GTF2A1L: variants seen among roughly 807,000 people sequenced by gnomAD.
GTF2A1L encodes the protein TFIIA-alpha and beta-like factor.
GTF2A1L carries 48 observed loss-of-function variants against 49.7 expected under a neutral mutation model. The ratio of observed to expected loss-of-function variants is 0.97; its 90% CI spans 0.77 to 1.23. GTF2A1L has a LOEUF of 1.23. Among genes scored for constraint, GTF2A1L ranks in the 50% most tolerant of loss-of-function variants. GTF2A1L has a pLI of 0.00. For missense variants in GTF2A1L, 736 were observed against 564.8 expected (o/e 1.30, Z -3.07); for synonymous variants, 246 against 193.5 (o/e 1.27, Z -2.25).
chr2:48,652,000 A>T (rs569911547), intron 6 of GTF2A1L, among the ~76,000 whole-genome samples: 36 of 152,300 alleles, frequency 2.4e-4, no homozygotes, highest in African/African-American at 8.7e-4. Context: ...ACCACTTCAG[A>T]AGAGATTGGA....
chr2:48,670,086 C>T, intron 7 of GTF2A1L, 104 bp downstream of exon 7: 3 of 1,458,896 alleles, frequency 2.1e-6, no homozygotes, highest in Non-Finnish European at 1.8e-6. Flanking sequence ...CTTTTCTTTA[C>T]TCTTTTGAAA....
Position 48,631,542 on chromosome 2 carries a change from C to T in GTF2A1L, c.247+10252C>T, listed in dbSNP as rs545058590. Among the ~76,000 whole-genome samples, 7 of 151,916 alleles carry T rather than the reference C, an allele frequency of 4.6e-5. No individual in the cohort carries two copies. The East Asian group carries it at 1.4e-3, about 29-fold the overall frequency. Reference sequence around the variant, plus strand: ...TTTGTTAATCTAGTTAGTGTTCTATCGATATTGTTTATCCTTTCAGAGAAC... The same window carrying T: ...TTTGTTAATCTAGTTAGTGTTCTATTGATATTGTTTATCCTTTCAGAGAAC... On this transcript the variant is annotated intron_variant, in intron 3 of 8. Transcript: ENST00000403751.
intron 3 of GTF2A1L, among the ~76,000 whole-genome samples, chr2:48,625,158 C>T (rs1173619413): frequency 6.9e-6 from 1 of 143,932 alleles, no homozygotes; most frequent in Non-Finnish European, 1.6e-5. Context: ...CAATGGCTGA[C>T]CATTCTGCAT....
At chr2:48,644,524 C>T (rs2104188033) in intron 4 of GTF2A1L, among the ~76,000 whole-genome samples, 1 of 152,252 alleles carries the variant, frequency 6.6e-6, no homozygotes, top group Middle Eastern at 3.4e-3. Context: ...CTGTGTGTTT[C>T]TGTGATAATC....
chr2:48,651,579 G>A (rs1322870502), intron 6 of GTF2A1L, among the ~76,000 whole-genome samples: 1 of 151,842 alleles, frequency 6.6e-6, no homozygotes, highest in Non-Finnish European at 1.5e-5. Context: ...AGAAAGCGTT[G>A]CTGTCTATTT....
intron 3 of GTF2A1L, among the ~76,000 whole-genome samples, chr2:48,627,117 G>C (rs919601430): frequency 7.0e-6 from 1 of 143,556 alleles, no homozygotes; most frequent in African/African-American, 2.5e-5. Flanking sequence ...TTTTATATCT[G>C]TTCCTAAATT....
At chr2:48,619,187 G>T (rs1675832087) in intron 1 of GTF2A1L, among the ~76,000 whole-genome samples, 1 of 152,054 alleles carries the variant, frequency 6.6e-6, no homozygotes, top group Non-Finnish European at 1.5e-5. Context: ...TACTCTTAGG[G>T]GCTGGGCACG....
intron 4 of GTF2A1L, among the ~76,000 whole-genome samples, chr2:48,642,804 T>C (rs552860583): frequency 1.5e-4 from 23 of 151,306 alleles, no homozygotes; most frequent in Non-Finnish European, 3.1e-4. Context: ...TGCAGTGAGC[T>C]GAGATCATGC....
chr2:48,618,897 A>T (rs1394723182), intron 1 of GTF2A1L, among the ~76,000 whole-genome samples: 1 of 152,200 alleles, frequency 6.6e-6, no homozygotes, highest in Non-Finnish European at 1.5e-5. Context: ...CTGTGTTCTA[A>T]TGGGTACTTT....
At chr2:48,617,985 A>C in intron 1 of GTF2A1L, 90 bp downstream of exon 1, 3 of 1,303,280 alleles carry the variant, frequency 2.3e-6, no homozygotes, top group Non-Finnish European at 3.2e-6. Context: ...TTTCCCCCTG[A>C]CACTTTACAG....
intron 4 of GTF2A1L, among the ~76,000 whole-genome samples, chr2:48,644,081 G>T (rs1218667657): frequency 6.6e-6 from 1 of 152,148 alleles, no homozygotes; most frequent in Non-Finnish European, 1.5e-5. Context: ...TGAGGCAAAA[G>T]GATCACTTGA....
intron 6 of GTF2A1L, among the ~76,000 whole-genome samples, chr2:48,661,247 CTTT>C (rs70946820): frequency 4.8e-5 from 3 of 62,752 alleles, no homozygotes; most frequent in East Asian, 6.5e-4. Flanking sequence ...CATCCCCAAA[CTTT>C]TTTTTTTTTT....
At chr2:48,671,564 C>T in intron 7 of GTF2A1L, 27 bp from the exon 8 acceptor site, 2 of 1,602,520 alleles carry the variant, frequency 1.2e-6, no homozygotes, top group Non-Finnish European at 1.7e-6. Flanking sequence ...CATAAAATTC[C>T]TTAATGTGAT....
intron 7 of GTF2A1L, among the ~76,000 whole-genome samples, chr2:48,670,342 C>T (rs1191906693): frequency 6.6e-6 from 1 of 151,558 alleles, no homozygotes; most frequent in Non-Finnish European, 1.5e-5. Context: ...CAAGAAATGC[C>T]ACTGTATTCC....
intron 6 of GTF2A1L, among the ~76,000 whole-genome samples, chr2:48,667,188 G>A (rs371250109): frequency 7.9e-5 from 12 of 151,618 alleles, no homozygotes; most frequent in Non-Finnish European, 1.6e-4. Context: ...TGAACTTCTG[G>A]GCTCAAGCAA....
In GTF2A1L at chr2:48,662,898, C is replaced by T. The variant is rs74425167; in HGVS notation, c.979-6824C>T. On this transcript the variant is annotated intron_variant, in intron 6 of 8. Transcript: ENST00000403751. Reference sequence around the variant, plus strand: ...GATACTAGGAGGGGAACAATGAACACGGGAATAATTGAGGGTGGAGTGTAG... The same window carrying T: ...GATACTAGGAGGGGAACAATGAACATGGGAATAATTGAGGGTGGAGTGTAG... 7.0e-3 allele frequency among the ~76,000 whole-genome samples: 1,068 copies of T among 151,722 alleles called. 21 individuals carry two copies. The highest frequency in any genetic ancestry group is 0.023 in the African/African-American group (962 of 41,310).
intron 6 of GTF2A1L, among the ~76,000 whole-genome samples, chr2:48,665,503 G>T (rs1678792044): frequency 6.6e-6 from 1 of 151,856 alleles, no homozygotes; most frequent in Non-Finnish European, 1.5e-5. Context: ...CATCTCAAAA[G>T]TTTGGACATT....
intron 6 of GTF2A1L, among the ~76,000 whole-genome samples, chr2:48,662,808 T>A (rs888486108): frequency 3.9e-5 from 6 of 152,116 alleles, no homozygotes; most frequent in Non-Finnish European, 7.4e-5. Flanking sequence ...ATATATTTTT[T>A]AAATTTATTT....
At chr2:48,634,914 C>A (rs551305082) in intron 3 of GTF2A1L, among the ~76,000 whole-genome samples, 41 of 152,136 alleles carry the variant, frequency 2.7e-4, no homozygotes, top group Non-Finnish European at 5.9e-5. Flanking sequence ...ATCTACAGGT[C>A]CCCCAGTGGC....
Sources: allele counts gnomAD v4.1 joint callset (sites outside exome capture counted in the v4.1 genomes callset), GRCh38; gene constraint gnomAD v4.1.1; transcripts MANE v1.5; gene names NCBI Gene and HGNC (gene_info 2026-07-23, HGNC 2026-07-21).